CDH11: variants seen among roughly 807,000 people sequenced by gnomAD.
The protein encoded by CDH11 is cadherin 11.
CDH11 carries 11 observed loss-of-function variants against 67.8 expected under a neutral mutation model. That is an observed-to-expected ratio of 0.16 (90% CI 0.10 to 0.27). The LOEUF (loss-of-function observed/expected upper bound fraction) is 0.27. Among genes scored for constraint, CDH11 ranks in the 10% least tolerant of loss-of-function variants. The probability of loss-of-function intolerance (pLI) is 1.00; values close to 1 mark genes in which losing one functional copy is unlikely to be tolerated. For synonymous variants in CDH11, 419 were observed against 400.0 expected, an observed-to-expected ratio of 1.05 and a Z score of -0.57; for missense variants, 847 against 1,031.2, an observed-to-expected ratio of 0.82 and a Z score of 2.45.
In CDH11 at chr16:64,947,958, G is replaced by A. The variant is rs2071239178; in HGVS notation, c.2036C>T (p.Ala679Val). 1.2e-6 allele frequency: 2 copies of A among 1,614,062 alleles called. No individual in the cohort carries two copies. The highest frequency in any genetic ancestry group is 1.7e-6 in the Non-Finnish European group (2 of 1,179,980). Residue 679 changes from alanine (A) to valine (V), a missense_variant, in exon 13 of 13, where the codon GCC becomes GTC. Physicochemically the swap from Ala to Val is moderately conservative, Grantham distance 64. Transcript: ENST00000268603. ...GEEDTEAFDI[A>V]TLQNPDGING... The stretch of plus-strand genomic sequence containing the variant: ...GATACCATCAGGATTCTGGAGGGTG[G>A]CAATATCAAAGGCTTCTGTGTCTTC...
intron 1 of CDH11, among the ~76,000 whole-genome samples, chr16:65,076,876 G>A (rs1271967074): frequency 6.6e-6 from 1 of 152,030 alleles, no homozygotes; most frequent in Admixed American, 6.5e-5. Flanking sequence ...TTTTATGGCT[G>A]CCTAGTATTC....
intron 1 of CDH11, among the ~76,000 whole-genome samples, chr16:65,072,846 T>G (rs886339471): frequency 6.6e-6 from 1 of 152,240 alleles, no homozygotes; most frequent in Admixed American, 6.5e-5. Context: ...ACTCAACCTC[T>G]GCATACCTCC....
intron 11 of CDH11, 80 bp from the exon 12 acceptor site, chr16:64,951,098 G>GGGCA: frequency 7.2e-7 from 1 of 1,393,494 alleles, no homozygotes; most frequent in African/African-American, 1.4e-5. Flanking sequence ...GCAGATTTGA[G>GGGCA]GGCACTCTCT....
Position 65,121,773 on chromosome 16 carries a change from C to G in CDH11, c.-298+107G>C. The G allele has an allele frequency of 1.4e-6, 1 of 698,770 alleles. No individual in the cohort carries two copies. The highest frequency in any genetic ancestry group is 1.5e-5 in the South Asian group (1 of 66,714). 43.3% of individuals were successfully genotyped at this position (698,770 alleles called of 1,614,324 possible). On this transcript the variant is annotated intron_variant, in intron 1 of 12. Coordinates refer to ENST00000268603, the MANE Select transcript of CDH11 (RefSeq NM_001797.4). The surrounding 1 kb of genome is among the most constrained non-coding windows in gnomAD (Gnocchi z 4.1). ...CTTCTCGACTCAGATACCACCGTCC[C>G]CCTCACCACCCCGCCCCGCCAAGAC...
At chr16:65,091,484 G>A (rs1261880163) in intron 1 of CDH11, among the ~76,000 whole-genome samples, 1 of 151,574 alleles carries the variant, frequency 6.6e-6, no homozygotes, top group Non-Finnish European at 1.5e-5. Context: ...TATGTCTTCT[G>A]ATTACTGTTG....
At chr16:65,098,558 G>T (rs2074938094) in intron 1 of CDH11, among the ~76,000 whole-genome samples, 1 of 151,958 alleles carries the variant, frequency 6.6e-6, no homozygotes, top group Admixed American at 6.6e-5. Flanking sequence ...TAGAGACAGG[G>T]TCTCACTATG....
rs376933706 is a variant in CDH11, at chr16:64,945,742, C to T, written c.*1861G>A. 5.8e-6 allele frequency: 6 copies of T among 1,042,786 alleles called. No individual in the cohort carries two copies. The East Asian group carries it at 2.3e-4, about 40-fold the overall frequency. 64.6% of individuals were successfully genotyped at this position (1,042,786 alleles called of 1,614,324 possible). A position where few individuals can be genotyped will look rare whatever the true frequency, so the allele number is the denominator to read the frequency against. On this transcript the variant is annotated 3_prime_UTR_variant, in exon 13 of 13. Transcript: ENST00000268603. Reference sequence around the variant, plus strand: ...ATGCAAAGTAAAATGGAAGTGAGCACTTCATAAAAAACATTTCTTTGTATG... The same window carrying T: ...ATGCAAAGTAAAATGGAAGTGAGCATTTCATAAAAAACATTTCTTTGTATG...
At chr16:65,014,886 G>A (rs779367602) in intron 2 of CDH11, among the ~76,000 whole-genome samples, 39 of 151,554 alleles carry the variant, frequency 2.6e-4, no homozygotes, top group East Asian at 9.7e-4. Flanking sequence ...ATGGAGTTTC[G>A]CTCTTTTTGG....
intron 1 of CDH11, among the ~76,000 whole-genome samples, chr16:65,067,380 G>T (rs1356810964): frequency 6.6e-6 from 1 of 152,164 alleles, no homozygotes; most frequent in Admixed American, 6.5e-5. Context: ...GGCAGTGGGG[G>T]TACAAGAGTG....
At chr16:64,963,995 G>C (rs1424224853) in intron 11 of CDH11, among the ~76,000 whole-genome samples, 1 of 152,170 alleles carries the variant, frequency 6.6e-6, no homozygotes, top group Non-Finnish European at 1.5e-5. Context: ...CAGAAATCTG[G>C]ATATACAGAG....
intron 2 of CDH11, among the ~76,000 whole-genome samples, chr16:65,030,904 A>C (rs1481566214): frequency 6.6e-6 from 1 of 152,148 alleles, no homozygotes; most frequent in Non-Finnish European, 1.5e-5. Context: ...AGATCAGTAA[A>C]ACTCAAGGAA....
At chr16:64,971,842 G>A in intron 10 of CDH11, 89 bp downstream of exon 10, 1 of 1,475,876 alleles carries the variant, frequency 6.8e-7, no homozygotes, top group Non-Finnish European at 9.4e-7. Context: ...TTTTTGGGCA[G>A]TGGTTGGTAT....
At chr16:65,018,797 A>G (rs2073366358) in intron 2 of CDH11, among the ~76,000 whole-genome samples, 1 of 152,200 alleles carries the variant, frequency 6.6e-6, no homozygotes, top group Non-Finnish European at 1.5e-5. Flanking sequence ...CACTTTCCCA[A>G]ATTATCAGAG....
chr16:65,073,937 T>C (rs1207575662), intron 1 of CDH11, among the ~76,000 whole-genome samples: 1 of 152,210 alleles, frequency 6.6e-6, no homozygotes, highest in Non-Finnish European at 1.5e-5. Flanking sequence ...AGCAAACACC[T>C]GAGTTTCATT....
At chr16:65,030,466 T>A (rs1282143836) in intron 2 of CDH11, among the ~76,000 whole-genome samples, 1 of 152,244 alleles carries the variant, frequency 6.6e-6, no homozygotes, top group Admixed American at 6.5e-5. Flanking sequence ...ACTCATTTTC[T>A]TTTTAACTAT....
At chr16:65,094,043 T>C (rs1329877915) in intron 1 of CDH11, among the ~76,000 whole-genome samples, 2 of 152,194 alleles carry the variant, frequency 1.3e-5, no homozygotes, top group Admixed American at 6.5e-5. Flanking sequence ...CTAAGGCCCA[T>C]TTACTAACCC....
intron 3 of CDH11, among the ~76,000 whole-genome samples, chr16:65,003,417 T>C (rs981788258): frequency 2.6e-5 from 4 of 151,848 alleles, no homozygotes; most frequent in African/African-American, 9.7e-5. Context: ...CCACCACGCC[T>C]GGCTAATATT....
intron 1 of CDH11, among the ~76,000 whole-genome samples, chr16:65,119,931 C>T (rs2075297482): frequency 6.6e-6 from 1 of 152,160 alleles, no homozygotes. Context: ...TTCAGTTTTT[C>T]ACAGAGGTTC....
At chr16:64,997,468 A>C (rs2072803736) in intron 4 of CDH11, among the ~76,000 whole-genome samples, 1 of 150,872 alleles carries the variant, frequency 6.6e-6, no homozygotes, top group Non-Finnish European at 1.5e-5. Flanking sequence ...TTCCTGGATT[A>C]TATATTTTGA....
Sources: gnomAD v4.1 joint callset for allele counts (sites outside exome capture counted in the v4.1 genomes callset) on GRCh38, gnomAD v4.1.1 for gene constraint, Gnocchi (gnomAD v3.1) non-coding constraint, MANE v1.5 for transcripts, NCBI Gene and HGNC (gene_info 2026-07-23, HGNC 2026-07-21) for gene names.